UMODL1: variants seen among roughly 807,000 people sequenced by gnomAD.
The protein encoded by UMODL1 is uromodulin like 1.
In UMODL1, 128 loss-of-function variants were observed where a neutral mutation model predicts 136.3. The observed-to-expected ratio is 0.94, with a 90% confidence interval of 0.81 to 1.09. The LOEUF (loss-of-function observed/expected upper bound fraction) is 1.09, where lower values mean the gene tolerates loss of function less well. UMODL1 is among the 50% of genes least tolerant of loss of function. The pLI, the probability that UMODL1 is intolerant of heterozygous loss-of-function variation, is 0.00. For synonymous variants in UMODL1, 721 were observed against 720.0 expected, an observed-to-expected ratio of 1.00 and a Z score of -0.02; for missense variants, 1,766 against 1,725.6, an observed-to-expected ratio of 1.02 and a Z score of -0.41.
chr21:42,076,578 T>A (rs2066294136), intron 2 of UMODL1, among the ~76,000 whole-genome samples: 1 of 152,112 alleles, frequency 6.6e-6, no homozygotes, highest in Non-Finnish European at 1.5e-5. Context: ...GATGCCTGGG[T>A]CTCTTCCTGA....
rs979534974 is a variant in UMODL1, at chr21:42,091,962, C to A, written c.931+1524C>A. The stretch of plus-strand genomic sequence containing the variant: ...GTGCAGGAGGAGAGGCTGCAGATGA[C>A]CTGGGTAAGGCAGGAAAACAGCTGG... On this transcript the variant is annotated intron_variant, in intron 6 of 22. Coordinates refer to ENST00000408910, the MANE Select transcript of UMODL1 (RefSeq NM_001004416.3). Among the ~76,000 whole-genome samples the A allele has an allele frequency of 4.6e-5, 7 of 152,292 alleles. No individual in the cohort carries two copies. The East Asian group carries it at 1.2e-3, about 25-fold the overall frequency.
In UMODL1 at chr21:42,099,839, C is replaced by A. The variant is rs2066605230; in HGVS notation, c.1186+659C>A. ...GGGACCACAGGCACACACCACCACACCAGGCTAAATTTTTTATTTTTCATA... is the reference window on the plus strand; with the variant it reads ...GGGACCACAGGCACACACCACCACAACAGGCTAAATTTTTTATTTTTCATA... On this transcript the variant is annotated intron_variant, in intron 7 of 22. Transcript: ENST00000408910. The surrounding 1 kb of genome is among the most constrained non-coding windows in gnomAD (Gnocchi z 4.1). 6.6e-6 allele frequency among the ~76,000 whole-genome samples: 1 copy of A among 152,132 alleles called. No individual in the cohort carries two copies. Among genetic ancestry groups the A allele is most frequent in the Non-Finnish European group, 1.5e-5 (1 of 68,034 alleles).
At position 42,086,539 on chromosome 21, in the gene UMODL1, G is replaced by A. The variant is rs184211289; in HGVS notation, c.603+1127G>A. On this transcript the variant is annotated intron_variant, in intron 4 of 22. Transcript: ENST00000408910. ...TCCTGTTTCCTCTTAGCTTGTTAAG[G>A]GGACTGCCCAATTGGCCAGTAAGAA... 399 of 455,852 alleles carry A rather than the reference G, an allele frequency of 8.8e-4. 4 individuals are homozygous for A. The East Asian group carries it at 0.021, about 23-fold the overall frequency. 28.2% of individuals were successfully genotyped at this position (455,852 alleles called of 1,614,324 possible).
rs2066866068 is a variant in UMODL1 at position 42,113,654 on chromosome 21, T to C, written c.2186T>C (p.Met729Thr). The C allele has an allele frequency of 1.9e-6, 3 of 1,614,100 alleles. No individual in the cohort carries two copies. The highest frequency in any genetic ancestry group is 2.2e-5 in the East Asian group (1 of 44,882). ...FHLAWEADLAMDSTFQLTLTS... is the reference protein window; with the variant it reads ...FHLAWEADLATDSTFQLTLTS... ...CTGGCATGGGAGGCGGATCTTGCTA[T>C]GGACTCCACCTTCCAGCTCACTCTG... Residue 729 changes from methionine to threonine, a missense_variant, in exon 13 of 23, where the codon ATG (methionine) becomes ACG (threonine). By Grantham distance (81) the Met-to-Thr change is moderately conservative (BLOSUM62 -1). Transcript: ENST00000408910.
chr21:42,139,048 G>T (rs1218241812), intron 22 of UMODL1, among the ~76,000 whole-genome samples: 1 of 152,102 alleles, frequency 6.6e-6, no homozygotes, highest in Non-Finnish European at 1.5e-5. Context: ...CACACCTGTG[G>T]TCCCAGCTAC....
intron 17 of UMODL1, among the ~76,000 whole-genome samples, chr21:42,125,108 G>A (rs1419789764): frequency 1.3e-5 from 2 of 152,188 alleles, no homozygotes; most frequent in Non-Finnish European, 2.9e-5. Context: ...ATGGGTCAAA[G>A]CTGTCAGATG....
intron 1 of UMODL1, among the ~76,000 whole-genome samples, chr21:42,063,421 A>G (rs559221103): frequency 6.6e-6 from 1 of 152,166 alleles, no homozygotes; most frequent in Non-Finnish European, 1.5e-5. Context: ...GTGTCCCCCA[A>G]ACAGATTCTA....
intron 1 of UMODL1, among the ~76,000 whole-genome samples, chr21:42,063,734 G>T (rs1252915643): frequency 6.6e-6 from 1 of 152,162 alleles, no homozygotes; most frequent in Non-Finnish European, 1.5e-5. Flanking sequence ...CTTGTCCCCC[G>T]GCTCCCCTTG....
chr21:42,071,295 G>A (rs754921915), upstream of UMODL1: 2 of 1,550,376 alleles, frequency 1.3e-6, no homozygotes, highest in Non-Finnish European at 8.7e-7. Context: ...CCAGAGCCCT[G>A]TACTGCCACC....
chr21:42,128,951 G>T (rs535003129), intron 20 of UMODL1, among the ~76,000 whole-genome samples: 94 of 152,316 alleles, frequency 6.2e-4, no homozygotes, highest in African/African-American at 1.9e-3. Context: ...CCAAGATGGA[G>T]GTGTCAGCCG....
rs764199005 is a variant in UMODL1 at position 42,103,736 on chromosome 21, G to A, written c.1300-132G>A. The A allele has an allele frequency of 2.6e-5, 28 of 1,080,050 alleles. No individual in the cohort carries two copies. In the African/African-American group the frequency reaches 4.0e-4, roughly 16 times the overall value. 66.9% of individuals were successfully genotyped at this position (1,080,050 alleles called of 1,614,324 possible). On this transcript the variant is annotated intron_variant, in intron 8 of 22. Coordinates refer to ENST00000408910, the MANE Select transcript of UMODL1 (RefSeq NM_001004416.3). Reference sequence around the variant, plus strand: ...CTTCTCTGCGTGCTCTGAGAGGTCGGTCGTCAGGTGCCTCCTCTTGATTGT... The same window carrying A: ...CTTCTCTGCGTGCTCTGAGAGGTCGATCGTCAGGTGCCTCCTCTTGATTGT...
Position 42,084,259 on chromosome 21 carries a change from G to T in UMODL1, c.481+14G>T, listed in dbSNP as rs1386967832. On this transcript the variant is annotated intron_variant, in intron 3 of 22. Transcript: ENST00000408910. ...CTGCACCCCAAGGTAGGCTGCTGCGGGCCATGCTTATGGACAGGCAGCAAA... is the reference window on the plus strand; with the variant it reads ...CTGCACCCCAAGGTAGGCTGCTGCGTGCCATGCTTATGGACAGGCAGCAAA... 6.2e-7 allele frequency: 1 copy of T among 1,612,560 alleles called. No individual in the cohort carries two copies. Among genetic ancestry groups the T allele is most frequent in the Non-Finnish European group, 8.5e-7 (1 of 1,179,658 alleles).
chr21:42,099,686 GT>G lies in UMODL1; in HGVS notation c.1186+512del, dbSNP rs763015430. Among the ~76,000 whole-genome samples, 16 of 151,866 alleles carry G rather than the reference GT, an allele frequency of 1.1e-4. No homozygotes were observed. Among genetic ancestry groups the G allele is most frequent in the South Asian group, 1.0e-3 (5 of 4,802 alleles). On this transcript the variant is annotated intron_variant, in intron 7 of 22. Coordinates refer to ENST00000408910, the MANE Select transcript of UMODL1 (RefSeq NM_001004416.3). The surrounding 1 kb of genome is among the most constrained non-coding windows in gnomAD (Gnocchi z 4.1). The stretch of plus-strand genomic sequence containing the variant: ...CACCACATTGGTGCTGGGACAAAAC[GT>G]TTTTTCTTTTTGAGACAGGGTCTCG...
chr21:42,075,917 G>A (rs1601174474), intron 1 of UMODL1, 88 bp from the exon 2 acceptor site: 6 of 1,563,270 alleles, frequency 3.8e-6, no homozygotes, highest in Non-Finnish European at 5.2e-6. Context: ...GCTCTCACTT[G>A]CTATTGCAGA....
chr21:42,085,460 C>T lies in UMODL1; in HGVS notation c.603+48C>T. Reference sequence around the variant, plus strand: ...GCCTGCACCCTCCTTGTGGCAGCTGCTCAGGCAGACCCAGGTATGGGGCCG... The same window carrying T: ...GCCTGCACCCTCCTTGTGGCAGCTGTTCAGGCAGACCCAGGTATGGGGCCG... On this transcript the variant is annotated intron_variant, in intron 4 of 22. Coordinates refer to ENST00000408910, the MANE Select transcript of UMODL1 (RefSeq NM_001004416.3). This position sits in a 1 kb window ranked among gnomAD's most constrained non-coding sequence, Gnocchi z 4.5. The T allele has an allele frequency of 1.9e-6, 3 of 1,612,122 alleles. No individual in the cohort carries two copies. The African/African-American group carries it at 4.0e-5, about 21-fold the overall frequency.
intron 21 of UMODL1, 59 bp from the exon 22 acceptor site, chr21:42,137,380 C>T (rs1329921794): frequency 6.3e-7 from 1 of 1,590,244 alleles, no homozygotes; most frequent in Non-Finnish European, 8.6e-7. Context: ...GGAGGGCTTG[C>T]TCTATCGCAT....
chr21:42,089,029 G>T (rs80165963), intron 5 of UMODL1, among the ~76,000 whole-genome samples: 1 of 152,086 alleles, frequency 6.6e-6, no homozygotes, highest in Non-Finnish European at 1.5e-5. Flanking sequence ...TGTTGTTGTT[G>T]TTCTATGTCA....
chr21:42,127,795 C>T lies in UMODL1; in HGVS notation c.3654C>T (p.Arg1218=), dbSNP rs779374176. The change falls in exon 20 of 23, where the codon CGC becomes CGT. Residue 1218 remains arginine (R), a synonymous_variant. Transcript: ENST00000408910. The part of the protein sequence containing the change: ...DSIVYLHCKL[R]VCMESPGATC... ...TCGTCTACCTGCACTGCAAACTCCGCGTCTGCATGGAATCCCCCGGAGCCA... is the reference window on the plus strand; with the variant it reads ...TCGTCTACCTGCACTGCAAACTCCGTGTCTGCATGGAATCCCCCGGAGCCA... 2.4e-5 allele frequency: 39 copies of T among 1,613,802 alleles called. No individual in the cohort carries two copies. Among genetic ancestry groups the T allele is most frequent in the Admixed American group, 2.3e-4 (14 of 59,930 alleles).
In UMODL1 at chr21:42,123,210, A is replaced by G. The variant is rs116244055; in HGVS notation, c.3147+60A>G. ...TAGGGCGCAAGGGGCTCTAGGTTACATGGGCCTCGATGTGGGAGGGCCAGG... is the reference window on the plus strand; with the variant it reads ...TAGGGCGCAAGGGGCTCTAGGTTACGTGGGCCTCGATGTGGGAGGGCCAGG... On this transcript the variant is annotated intron_variant, in intron 17 of 22. Coordinates refer to ENST00000408910, the MANE Select transcript of UMODL1 (RefSeq NM_001004416.3). The surrounding 1 kb of genome is among the most constrained non-coding windows in gnomAD (Gnocchi z 4.4). 4.6e-3 allele frequency: 7,032 copies of G among 1,527,318 alleles called. 285 individuals are homozygous for G. The African/African-American group carries it at 0.085, about 18-fold the overall frequency. The allele number at this position is 1,527,318 out of a possible 1,614,324, so 94.6% of individuals were successfully genotyped here. A position where few individuals can be genotyped will look rare whatever the true frequency, so the allele number is the denominator to read the frequency against.
Sources: allele counts gnomAD v4.1 joint callset (sites outside exome capture counted in the v4.1 genomes callset), GRCh38; gene constraint gnomAD v4.1.1; non-coding constraint Gnocchi (gnomAD v3.1); transcripts MANE v1.5; gene names NCBI Gene and HGNC (gene_info 2026-07-23, HGNC 2026-07-21).